CTNNA2: variants seen among roughly 807,000 people sequenced by gnomAD.
The protein encoded by CTNNA2 is catenin alpha-2.
Under a neutral mutation model 101.0 loss-of-function variants are expected in CTNNA2, and 42 were observed. That is an observed-to-expected ratio of 0.42 (90% CI 0.32 to 0.54). CTNNA2 has a LOEUF of 0.54. Ranked by LOEUF, CTNNA2 falls within the 20% of genes least tolerant of loss-of-function variation. CTNNA2 has a pLI of 0.14. For missense variants in CTNNA2, 871 were observed against 1,223.1 expected (o/e 0.71, Z 4.29); for synonymous variants, 450 against 456.4 (o/e 0.99, Z 0.18).
intron 3 of CTNNA2, among the ~76,000 whole-genome samples, chr2:79,357,575 T>C (rs1677535819): frequency 6.6e-6 from 1 of 152,138 alleles, no homozygotes; most frequent in Admixed American, 6.5e-5. Context: ...GAAGAGCTAA[T>C]AACCAAGAAT....
intron 12 of CTNNA2, among the ~76,000 whole-genome samples, chr2:80,556,111 C>T (rs1435202816): frequency 1.3e-5 from 2 of 152,066 alleles, no homozygotes; most frequent in African/African-American, 4.8e-5. Context: ...GCATATATTT[C>T]TTTATACTTT....
At chr2:79,195,808 G>A (rs564746463) in intron 1 of CTNNA2, 38 of 514,152 alleles carry the variant, frequency 7.4e-5, no homozygotes, top group African/African-American at 6.5e-4. Flanking sequence ...AGCAAGGCCC[G>A]GCATAGGGAG....
intron 6 of CTNNA2, among the ~76,000 whole-genome samples, chr2:79,878,596 C>A (rs1379729505): frequency 1.3e-5 from 2 of 152,136 alleles, no homozygotes; most frequent in African/African-American, 4.8e-5. Context: ...TGATGTTGAG[C>A]TTTTTTTCAT....
At chr2:80,224,968 A>T (rs1391504867) in intron 7 of CTNNA2, among the ~76,000 whole-genome samples, 2 of 152,156 alleles carry the variant, frequency 1.3e-5, no homozygotes, top group African/African-American at 2.4e-5. Context: ...TAAATAGCTT[A>T]AGAAAACTCA....
At chr2:79,751,374 A>C (rs1330782513) in intron 3 of CTNNA2, among the ~76,000 whole-genome samples, 1 of 152,096 alleles carries the variant, frequency 6.6e-6, no homozygotes, top group Non-Finnish European at 1.5e-5. Flanking sequence ...CAGGCAGATC[A>C]TTTGAGGTCT....
intron 3 of CTNNA2, among the ~76,000 whole-genome samples, chr2:79,371,294 C>T (rs1321003456): frequency 6.6e-6 from 1 of 151,950 alleles, no homozygotes; most frequent in Non-Finnish European, 1.5e-5. Flanking sequence ...CTTCTCCAGA[C>T]AGGAGAAGGT....
chr2:80,009,576 C>T (rs1693620117), intron 7 of CTNNA2, among the ~76,000 whole-genome samples: 1 of 152,114 alleles, frequency 6.6e-6, no homozygotes. Flanking sequence ...CACATTCACA[C>T]ATATACGCTT....
intron 7 of CTNNA2, among the ~76,000 whole-genome samples, chr2:80,249,118 C>T (rs1378364672): frequency 6.6e-6 from 1 of 152,084 alleles, no homozygotes; most frequent in African/African-American, 2.4e-5. Context: ...ATTTCCACAG[C>T]ATGCTTTTAT....
At chr2:80,479,023 A>AT (rs1491117467) in intron 9 of CTNNA2, among the ~76,000 whole-genome samples, 1 of 149,350 alleles carries the variant, frequency 6.7e-6, no homozygotes, top group African/African-American at 2.5e-5. Context: ...TTTTTTTTTT[A>AT]ATTTTTTTGT....
chr2:80,036,901 A>G (rs1453626213), intron 7 of CTNNA2, among the ~76,000 whole-genome samples: 1 of 151,462 alleles, frequency 6.6e-6, no homozygotes, highest in African/African-American at 2.4e-5. Context: ...TGAAATCTCA[A>G]TTAGGAGTTT....
intron 2 of CTNNA2, among the ~76,000 whole-genome samples, chr2:79,227,348 G>A (rs905745072): frequency 1.3e-5 from 2 of 152,174 alleles, no homozygotes; most frequent in African/African-American, 4.8e-5. Flanking sequence ...TGTCTGTGGA[G>A]AATTGGCAAG....
intron 6 of CTNNA2, among the ~76,000 whole-genome samples, chr2:79,881,272 A>G (rs929446869): frequency 6.6e-6 from 1 of 152,252 alleles, no homozygotes; most frequent in African/African-American, 2.4e-5. Flanking sequence ...GGCACTGAGA[A>G]GAATGTATAT....
At chr2:79,635,934 G>T (rs1459413257) in intron 1 of CTNNA2, among the ~76,000 whole-genome samples, 1 of 151,790 alleles carries the variant, frequency 6.6e-6, no homozygotes, top group Non-Finnish European at 1.5e-5. Flanking sequence ...TATATAGGAG[G>T]CTGGAAACCA....
rs1233768586 is a variant in CTNNA2 at position 80,057,175 on chromosome 2, G to GTTTT, written c.1056+147390_1056+147393dup. Among the ~76,000 whole-genome samples, 9 of 142,232 alleles carry GTTTT rather than the reference G, an allele frequency of 6.3e-5. No homozygotes were observed. The East Asian group carries it at 2.1e-3, about 33-fold the overall frequency. The allele number at this position is 142,232 out of a possible 152,430, so 93.3% of individuals were successfully genotyped here. ...CCATGGGATAAGAAGTATATAAGTT[G>GTTTT]TTTTTTTTTTTTTTTAAGGAAGACT... On this transcript the variant is annotated intron_variant, in intron 7 of 18. Transcript: ENST00000402739.
At chr2:80,640,452 A>G (rs576470515) in intron 18 of CTNNA2, among the ~76,000 whole-genome samples, 76 of 152,298 alleles carry the variant, frequency 5.0e-4, no homozygotes, top group Admixed American at 2.0e-3. Context: ...GTGAACATAT[A>G]AACATTCTGA....
At chr2:80,645,637 G>A (rs1673999094) in intron 18 of CTNNA2, among the ~76,000 whole-genome samples, 5 of 152,126 alleles carry the variant, frequency 3.3e-5, no homozygotes, top group Admixed American at 3.3e-4. Flanking sequence ...GGGTGATGCT[G>A]ATGCTGTTGC....
chr2:79,966,332 C>T (rs1471417625), intron 7 of CTNNA2, among the ~76,000 whole-genome samples: 1 of 152,066 alleles, frequency 6.6e-6, no homozygotes, highest in Non-Finnish European at 1.5e-5. Flanking sequence ...AACCATGGGG[C>T]TCAAGCGATC....
chr2:79,742,565 T>A (rs1001575557), intron 2 of CTNNA2, among the ~76,000 whole-genome samples: 1 of 152,184 alleles, frequency 6.6e-6, no homozygotes, highest in African/African-American at 2.4e-5. Context: ...AGTAACATGT[T>A]CATGTGTTAG....
At chr2:79,784,626 A>G (rs2861907) in intron 3 of CTNNA2, among the ~76,000 whole-genome samples, 28,498 of 151,554 alleles carry the variant, frequency 0.19, 2,999 homozygotes, top group Admixed American at 0.24. Flanking sequence ...TTGGGGTCAT[A>G]CTCAACTCCT....
Sources: gnomAD v4.1 joint callset for allele counts (sites outside exome capture counted in the v4.1 genomes callset) on GRCh38, gnomAD v4.1.1 for gene constraint, MANE v1.5 for transcripts, NCBI Gene and HGNC (gene_info 2026-07-23, HGNC 2026-07-21) for gene names.